Variants in SIM1 observed in about 807,000 individuals in gnomAD.
The protein encoded by SIM1 is single-minded homolog 1.
SIM1 carries 18 observed loss-of-function variants against 78.2 expected under a neutral mutation model. That is an observed-to-expected ratio of 0.23 (90% CI 0.16 to 0.34). SIM1 has a LOEUF of 0.34. Ranked by LOEUF, SIM1 falls within the 10% of genes least tolerant of loss-of-function variation. The probability of loss-of-function intolerance (pLI) is 1.00; values close to 1 mark genes in which losing one functional copy is unlikely to be tolerated. For synonymous variants in SIM1, 417 were observed against 385.2 expected, an observed-to-expected ratio of 1.08 and a Z score of -0.97; for missense variants, 939 against 975.1, an observed-to-expected ratio of 0.96 and a Z score of 0.49.
chr6:100,418,978 C>G (rs1656007489), intron 10 of SIM1, among the ~76,000 whole-genome samples: 1 of 152,044 alleles, frequency 6.6e-6, no homozygotes, highest in African/African-American at 2.4e-5. Flanking sequence ...ACCAGCCTGG[C>G]CAGCATGGTG....
At position 100,463,396 on chromosome 6, in the gene SIM1, T is replaced by C; in HGVS notation, c.73A>G (p.Lys25Glu). Residue 25 changes from lysine (K) to glutamate (E), a missense_variant, in exon 2 of 12, where the codon AAA (lysine) becomes GAA (glutamate). Around this residue, in one of 5 missense-constraint regions of SIM1, gnomAD observed 121 missense variants for 124.6 expected, o/e 0.97. Coordinates refer to ENST00000369208, the MANE Select transcript of SIM1 (RefSeq NM_005068.3). ...ATAGCCGAGGGCAAAGGCAGTAATT[T>C]AGCCAGTTCATAAAATTCACTGTTT... ...KENSEFYELA[K>E]LLPLPSAITS... The C allele has an allele frequency of 6.2e-7, 1 of 1,614,114 alleles. No individual in the cohort carries two copies. The highest frequency in any genetic ancestry group is 8.5e-7 in the Non-Finnish European group (1 of 1,179,978).
rs528110237 is a variant in SIM1, at chr6:100,440,321, C to T, written c.998+6947G>A. On this transcript the variant is annotated intron_variant, in intron 9 of 11. Coordinates refer to ENST00000369208, the MANE Select transcript of SIM1 (RefSeq NM_005068.3). ...ATGTAGCATAGTCTTCATTCTAACC[C>T]AGGCCCATCTGGCACTAAAGCCCAT... Among the ~76,000 whole-genome samples the T allele has an allele frequency of 2.6e-5, 4 of 152,284 alleles. No homozygotes were observed. The South Asian group carries it at 6.2e-4, about 24-fold the overall frequency.
chr6:100,401,348 T>C (rs1770910586), intron 10 of SIM1, among the ~76,000 whole-genome samples: 1 of 152,104 alleles, frequency 6.6e-6, no homozygotes, highest in East Asian at 1.9e-4. Flanking sequence ...AGTCTTGTAC[T>C]AGAGAGAAAA....
intron 10 of SIM1, among the ~76,000 whole-genome samples, chr6:100,412,662 AG>A (rs1171588884): frequency 7.3e-6 from 1 of 136,794 alleles, no homozygotes; most frequent in Non-Finnish European, 1.6e-5. Flanking sequence ...AGAAAGAGAG[AG>A]AGAGAGAGAG....
In SIM1 at chr6:100,388,161, C is replaced by T. The variant is rs1770554408; in HGVS notation, c.*2200G>A. ...ATACTCTTTTTTGTATAATTCAAAA[C>T]TTAGTTTTTATTGTATGGTCACCCC... On this transcript the variant is annotated 3_prime_UTR_variant, in exon 12 of 12. Coordinates refer to ENST00000369208, the MANE Select transcript of SIM1 (RefSeq NM_005068.3). 6.6e-6 allele frequency: 1 copy of T among 152,052 alleles called. No individual in the cohort carries two copies. The allele number at this position is 152,052 out of a possible 1,614,324, so 9.4% of individuals were successfully genotyped here.
At chr6:100,400,322 A>C (rs1770880760) in intron 10 of SIM1, among the ~76,000 whole-genome samples, 1 of 152,172 alleles carries the variant, frequency 6.6e-6, no homozygotes, top group Non-Finnish European at 1.5e-5. Context: ...CTTGATGTAG[A>C]TGCCCAATCA....
chr6:100,440,098 T>C (rs1295005993), intron 9 of SIM1, among the ~76,000 whole-genome samples: 1 of 152,198 alleles, frequency 6.6e-6, no homozygotes, highest in Non-Finnish European at 1.5e-5. Flanking sequence ...ATTACATAAT[T>C]GGCAAGAGCT....
At chr6:100,447,510 TG>T in intron 8 of SIM1, 95 bp from the exon 9 acceptor site, 1 of 1,376,344 alleles carries the variant, frequency 7.3e-7, no homozygotes, top group South Asian at 1.3e-5. Flanking sequence ...GGGCTCCCTG[TG>T]GGCCCTAATA....
intron 9 of SIM1, among the ~76,000 whole-genome samples, chr6:100,421,727 A>T (rs1008982957): frequency 2.0e-5 from 3 of 152,200 alleles, no homozygotes; most frequent in African/African-American, 7.2e-5. Flanking sequence ...GAGCCTGAAG[A>T]TGACAGCCTT....
At chr6:100,442,458 T>A (rs866136624) in intron 9 of SIM1, among the ~76,000 whole-genome samples, 1 of 152,156 alleles carries the variant, frequency 6.6e-6, no homozygotes, top group Non-Finnish European at 1.5e-5. Flanking sequence ...GTGACTCTGA[T>A]GTTCAATATT....
At chr6:100,431,413 ACT>A (rs1478387587) in intron 9 of SIM1, among the ~76,000 whole-genome samples, 1 of 151,976 alleles carries the variant, frequency 6.6e-6, no homozygotes, top group Non-Finnish European at 1.5e-5. Context: ...TATACATTAA[ACT>A]CTATTATTTA....
rs550358058 is a variant in SIM1 at position 100,419,205 on chromosome 6, C to A, written c.1167+1585G>T. On this transcript the variant is annotated intron_variant, in intron 10 of 11. Transcript: ENST00000369208. ...AGAAGCAGCTTCTTCTCTGCAGTGA[C>A]TTTGACTAAAATATATATTTTATAA... Among the ~76,000 whole-genome samples the A allele has an allele frequency of 3.9e-5, 6 of 152,220 alleles. No individual in the cohort carries two copies. In the South Asian group the frequency reaches 1.2e-3, roughly 32 times the overall value.
chr6:100,450,218 AG>A, intron 4 of SIM1, 48 bp downstream of exon 4: 2 of 1,528,624 alleles, frequency 1.3e-6, no homozygotes, highest in Non-Finnish European at 1.8e-6. Flanking sequence ...CCCTGCTTCC[AG>A]CTCTGGCTGT....
In SIM1 at chr6:100,448,245, C is replaced by T; in HGVS notation, c.751G>A (p.Glu251Lys). The change falls in exon 8 of 12, where the codon GAG (glutamate) becomes AAG (lysine). Residue 251 changes from glutamate to lysine, a missense_variant. Glu to Lys is a moderately conservative substitution (Grantham distance 56). Around this residue, in one of 5 missense-constraint regions of SIM1, gnomAD observed 187 missense variants for 191.6 expected, o/e 0.98. Transcript: ENST00000369208. ...KLIFLDSRVAELTGYEPQDLI... is the reference protein window; with the variant it reads ...KLIFLDSRVAKLTGYEPQDLI... ...TCCTGAGGTTCGTACCCCGTCAGCT[C>T]CGCCACCCTGAGGAGAGCAATCCCT... 6.2e-7 allele frequency: 1 copy of T among 1,612,520 alleles called. No homozygotes were observed. Among genetic ancestry groups the T allele is most frequent in the Non-Finnish European group, 8.5e-7 (1 of 1,179,376 alleles).
intron 9 of SIM1, among the ~76,000 whole-genome samples, chr6:100,442,664 T>C (rs558292998): frequency 3.3e-5 from 5 of 152,148 alleles, no homozygotes; most frequent in Non-Finnish European, 7.4e-5. Flanking sequence ...ATTTTTGTAA[T>C]ACAAAAGTGA....
intron 9 of SIM1, among the ~76,000 whole-genome samples, chr6:100,445,212 CT>C (rs1772325725): frequency 6.6e-6 from 1 of 152,188 alleles, no homozygotes; most frequent in Non-Finnish European, 1.5e-5. Context: ...CACTGAGCCA[CT>C]TGATGACATT....
chr6:100,454,365 T>C (rs1772591449), intron 2 of SIM1, among the ~76,000 whole-genome samples: 1 of 152,212 alleles, frequency 6.6e-6, no homozygotes, highest in South Asian at 2.1e-4. Flanking sequence ...CTCCTCCCCT[T>C]GGCTTCTGGC....
Position 100,393,570 on chromosome 6 carries a change from A to G in SIM1, c.1487T>C (p.Leu496Ser), listed in dbSNP as rs764534978. 1.2e-6 allele frequency: 2 copies of G among 1,613,078 alleles called. No individual in the cohort carries two copies. Among genetic ancestry groups the G allele is most frequent in the East Asian group, 4.5e-5 (2 of 44,848 alleles). The change falls in exon 11 of 12, where the codon TTG becomes TCG. Residue 496 changes from leucine (L) to serine (S), a missense_variant. Physicochemically the swap from Leu to Ser is moderately radical, Grantham distance 145 (BLOSUM62 -2). Transcript: ENST00000369208. ...REPWWGSRAA[L>S]PLTKASPESR... ...TTCTGGGGAGGCCTTTGTCAGGGGC[A>G]AGGCTGCGCGAGAGCCCCACCAGGG...
At chr6:100,392,742 A>G (rs1258135948) in intron 11 of SIM1, among the ~76,000 whole-genome samples, 1 of 152,210 alleles carries the variant, frequency 6.6e-6, no homozygotes, top group East Asian at 1.9e-4. Context: ...CTTTTAATGA[A>G]ATAGGGAGGA....
Sources: gnomAD v4.1 joint callset for allele counts (sites outside exome capture counted in the v4.1 genomes callset) on GRCh38, gnomAD v4.1.1 for gene constraint, gnomAD v4.1.1 regional missense constraint, MANE v1.5 for transcripts, NCBI Gene and HGNC (gene_info 2026-07-23, HGNC 2026-07-21) for gene names.